Variants in KIRREL3 observed in about 807,000 individuals in gnomAD.
KIRREL3 encodes kin of IRRE-like protein 3.
KIRREL3 carries 36 observed loss-of-function variants against 89.7 expected under a neutral mutation model. The ratio of observed to expected loss-of-function variants is 0.40; its 90% CI spans 0.31 to 0.53. KIRREL3 has a LOEUF of 0.53. Among genes scored for constraint, KIRREL3 ranks in the 20% least tolerant of loss-of-function variants. KIRREL3 has a pLI of 0.49. For synonymous variants in KIRREL3, 445 were observed against 441.4 expected (o/e 1.01, Z -0.10); for missense variants, 864 against 1,056.6 (o/e 0.82, Z 2.53).
intron 1 of KIRREL3, among the ~76,000 whole-genome samples, chr11:126,958,362 T>C (rs930738698): frequency 6.6e-6 from 1 of 152,186 alleles, no homozygotes; most frequent in Non-Finnish European, 1.5e-5. Context: ...TATAAGAGGC[T>C]CCTCCATTTG....
In KIRREL3 at chr11:126,518,668, C is replaced by T. The variant is rs113474193; in HGVS notation, c.433+2647G>A. Reference sequence around the variant, plus strand: ...GCAGATGGGGTCTTGGTAGGGAAGGCGGCTGGGCCAAGGAGCAGAAATACC... The same window carrying T: ...GCAGATGGGGTCTTGGTAGGGAAGGTGGCTGGGCCAAGGAGCAGAAATACC... On this transcript the variant is annotated intron_variant, in intron 4 of 16. Transcript: ENST00000525144. 2.5e-3 allele frequency among the ~76,000 whole-genome samples: 383 copies of T among 152,332 alleles called. 1 individual carries two copies. The highest frequency in any genetic ancestry group is 5.9e-3 in the African/African-American group (246 of 41,584).
chr11:126,573,081 G>A (rs1168248435), intron 1 of KIRREL3, among the ~76,000 whole-genome samples: 1 of 152,156 alleles, frequency 6.6e-6, no homozygotes, highest in East Asian at 1.9e-4. Flanking sequence ...GTGGGCTAAG[G>A]TCCAGTGGGC....
intron 1 of KIRREL3, among the ~76,000 whole-genome samples, chr11:126,680,927 T>C (rs1040473374): frequency 2.0e-5 from 3 of 152,158 alleles, no homozygotes; most frequent in African/African-American, 7.2e-5. Flanking sequence ...ATATGAAAAA[T>C]GAACACTTAG....
intron 1 of KIRREL3, among the ~76,000 whole-genome samples, chr11:126,803,205 T>G (rs1025749225): frequency 6.6e-6 from 1 of 152,048 alleles, no homozygotes; most frequent in African/African-American, 2.4e-5. Flanking sequence ...GGGGACTTCA[T>G]AAGAAAGTGT....
rs10699844 is a variant in KIRREL3, at chr11:126,755,878, C to CAGAGAGAGAG, written c.56-192976_56-192967dup. On this transcript the variant is annotated intron_variant, in intron 1 of 16. Transcript: ENST00000525144. This position sits in a 1 kb window ranked among gnomAD's most constrained non-coding sequence, Gnocchi z 4.3. ...GAGGGAGAGAGGGAGAGAGAAAAAA[C>CAGAGAGAGAG]AGAGAGAGAGAGAGAGAGAGAAGAC... Among the ~76,000 whole-genome samples the CAGAGAGAGAG allele has an allele frequency of 1.7e-4, 26 of 148,832 alleles. No individual in the cohort carries two copies. The highest frequency in any genetic ancestry group is 6.4e-4 in the African/African-American group (26 of 40,464).
Position 126,508,793 on chromosome 11 carries a change from G to A in KIRREL3, c.433+12522C>T, listed in dbSNP as rs1958108219. On this transcript the variant is annotated intron_variant, in intron 4 of 16. Transcript: ENST00000525144. This position sits in a 1 kb window ranked among gnomAD's most constrained non-coding sequence, Gnocchi z 4.9. Reference sequence around the variant, plus strand: ...TCTCAGCTTCCTCGTCCGTAAAAGGGGACACGGGACCTGCCTGGCAGAGCT... The same window carrying A: ...TCTCAGCTTCCTCGTCCGTAAAAGGAGACACGGGACCTGCCTGGCAGAGCT... 6.6e-6 allele frequency among the ~76,000 whole-genome samples: 1 copy of A among 152,132 alleles called. No individual in the cohort carries two copies. The highest frequency in any genetic ancestry group is 2.4e-5 in the African/African-American group (1 of 41,406).
Position 126,752,843 on chromosome 11 carries a change from C to T in KIRREL3, c.56-189931G>A, listed in dbSNP as rs559037992. Among the ~76,000 whole-genome samples, 23 of 152,144 alleles carry T rather than the reference C, an allele frequency of 1.5e-4. No individual in the cohort carries two copies. Among genetic ancestry groups the T allele is most frequent in the African/African-American group, 4.8e-4 (20 of 41,422 alleles). On this transcript the variant is annotated intron_variant, in intron 1 of 16. Coordinates refer to ENST00000525144, the MANE Select transcript of KIRREL3 (RefSeq NM_032531.4). The surrounding 1 kb of genome is among the most constrained non-coding windows in gnomAD (Gnocchi z 4.8). ...AGCTGGAAAGGTGGTGTTGGAGGCA[C>T]GGAAATGTTGATGGAGAAAAGCCCT...
chr11:126,720,999 G>A (rs1358318395), intron 1 of KIRREL3, among the ~76,000 whole-genome samples: 2 of 152,180 alleles, frequency 1.3e-5, no homozygotes, highest in Non-Finnish European at 2.9e-5. Context: ...GATTCCTAGG[G>A]AAGAAGCTAA....
At chr11:126,659,286 G>C (rs1945288787) in intron 1 of KIRREL3, among the ~76,000 whole-genome samples, 1 of 152,174 alleles carries the variant, frequency 6.6e-6, no homozygotes, top group Admixed American at 6.5e-5. Context: ...CCCAAAATGA[G>C]AGTGACACCT....
chr11:126,816,820 C>T (rs886069896), intron 1 of KIRREL3, among the ~76,000 whole-genome samples: 2 of 152,186 alleles, frequency 1.3e-5, no homozygotes, highest in South Asian at 2.1e-4. Context: ...TGACCACAAT[C>T]AATAATCGTT....
chr11:126,681,700 C>T (rs896529287), intron 1 of KIRREL3: 7 of 342,972 alleles, frequency 2.0e-5, no homozygotes, highest in South Asian at 9.2e-5. Context: ...CCTGGTGCCT[C>T]GTGTATAGTA....
At position 126,492,651 on chromosome 11, in the gene KIRREL3, A is replaced by G. The variant is rs1236695666; in HGVS notation, c.434-19185T>C. 3.3e-5 allele frequency among the ~76,000 whole-genome samples: 5 copies of G among 152,152 alleles called. No individual in the cohort carries two copies. Among genetic ancestry groups the G allele is most frequent in the African/African-American group, 1.2e-4 (5 of 41,438 alleles). ...CAGGCCATTTTTATGACTTCCTATCAAACTTTGATAAATTGACTCTGAAAG... is the reference window on the plus strand; with the variant it reads ...CAGGCCATTTTTATGACTTCCTATCGAACTTTGATAAATTGACTCTGAAAG... On this transcript the variant is annotated intron_variant, in intron 4 of 16. Coordinates refer to ENST00000525144, the MANE Select transcript of KIRREL3 (RefSeq NM_032531.4). This position sits in a 1 kb window ranked among gnomAD's most constrained non-coding sequence, Gnocchi z 4.8.
At position 126,948,474 on chromosome 11, in the gene KIRREL3, C is replaced by T. The variant is rs1362865875; in HGVS notation, c.55+51981G>A. 2.0e-5 allele frequency among the ~76,000 whole-genome samples: 3 copies of T among 152,162 alleles called. No individual in the cohort carries two copies. Among genetic ancestry groups the T allele is most frequent in the Non-Finnish European group, 4.4e-5 (3 of 68,028 alleles). ...GTAGACTAGAAATACTATGCAGGGA[C>T]TCTTGTTCATAGTGCAATGCCCAAA... On this transcript the variant is annotated intron_variant, in intron 1 of 16. Coordinates refer to ENST00000525144, the MANE Select transcript of KIRREL3 (RefSeq NM_032531.4). This position sits in a 1 kb window ranked among gnomAD's most constrained non-coding sequence, Gnocchi z 4.5.
At chr11:126,749,467 G>A (rs980295437) in intron 1 of KIRREL3, among the ~76,000 whole-genome samples, 33 of 152,242 alleles carry the variant, frequency 2.2e-4, no homozygotes, top group Middle Eastern at 3.4e-3. Context: ...GTTTGCTCCT[G>A]GGGACATCAT....
At chr11:126,820,903 C>T (rs4525250) in intron 1 of KIRREL3, among the ~76,000 whole-genome samples, 131,290 of 152,050 alleles carry the variant, frequency 0.86, 57,036 homozygotes, top group East Asian at 1. Context: ...TTCGTGAGGA[C>T]TAAAGGTTTT....
chr11:126,492,475 G>A lies in KIRREL3; in HGVS notation c.434-19009C>T, dbSNP rs1039456244. Among the ~76,000 whole-genome samples, 16 of 152,098 alleles carry A rather than the reference G, an allele frequency of 1.1e-4. No individual in the cohort carries two copies. Among genetic ancestry groups the A allele is most frequent in the African/African-American group, 1.9e-4 (8 of 41,412 alleles). On this transcript the variant is annotated intron_variant, in intron 4 of 16. Transcript: ENST00000525144. This position sits in a 1 kb window ranked among gnomAD's most constrained non-coding sequence, Gnocchi z 4.8. ...CCCTGCTCCCAGTTAGCCCCTGTCC[G>A]TCCAGTTCTGAGAGGTGTTTCTATC...
chr11:126,575,488 T>A lies in KIRREL3; in HGVS notation c.56-12576A>T, dbSNP rs963205756. On this transcript the variant is annotated intron_variant, in intron 1 of 16. Coordinates refer to ENST00000525144, the MANE Select transcript of KIRREL3 (RefSeq NM_032531.4). The surrounding 1 kb of genome is among the most constrained non-coding windows in gnomAD (Gnocchi z 7.0). ...AAGAGAGTTGTGTTCCTAAACCCTG[T>A]CTAAATGTATGGAACCAAGGCCGGA... 3.3e-5 allele frequency among the ~76,000 whole-genome samples: 5 copies of A among 152,206 alleles called. No homozygotes were observed. Among genetic ancestry groups the A allele is most frequent in the African/African-American group, 4.8e-5 (2 of 41,448 alleles).
chr11:126,512,503 T>C (rs1373912754), intron 4 of KIRREL3, among the ~76,000 whole-genome samples: 1 of 152,130 alleles, frequency 6.6e-6, no homozygotes, highest in Admixed American at 6.5e-5. Flanking sequence ...CTGAAAGAGA[T>C]ACCCAGGCCT....
In KIRREL3 at chr11:126,897,639, A is replaced by C. The variant is rs1413838644; in HGVS notation, c.55+102816T>G. ...CCATGTTGCACAATACCACATCAAA[A>C]ATACATTTGCAGCAAAGCTTATTTT... On this transcript the variant is annotated intron_variant, in intron 1 of 16. Coordinates refer to ENST00000525144, the MANE Select transcript of KIRREL3 (RefSeq NM_032531.4). The surrounding 1 kb of genome is among the most constrained non-coding windows in gnomAD (Gnocchi z 4.2). 1.3e-5 allele frequency among the ~76,000 whole-genome samples: 2 copies of C among 152,160 alleles called. No individual in the cohort carries two copies. The highest frequency in any genetic ancestry group is 4.8e-5 in the African/African-American group (2 of 41,430).
Sources: allele counts gnomAD v4.1 joint callset (sites outside exome capture counted in the v4.1 genomes callset), GRCh38; gene constraint gnomAD v4.1.1; non-coding constraint Gnocchi (gnomAD v3.1); transcripts MANE v1.5; gene names NCBI Gene and HGNC (gene_info 2026-07-23, HGNC 2026-07-21).